Variants in PIP4K2A observed in about 807,000 individuals in gnomAD.
PIP4K2A encodes the protein phosphatidylinositol-5-phosphate 4-kinase type 2 alpha.
A neutral mutation model predicts 42.9 loss-of-function variants in PIP4K2A; 14 were observed. The ratio of observed to expected loss-of-function variants is 0.33; its 90% CI spans 0.22 to 0.51. The LOEUF is 0.51. PIP4K2A is among the 20% of genes least tolerant of loss of function. The pLI is 0.97. For synonymous variants in PIP4K2A, 192 were observed against 192.2 expected, an observed-to-expected ratio of 1.00 and a Z score of 0.01; for missense variants, 434 against 519.8, an observed-to-expected ratio of 0.83 and a Z score of 1.61.
intron 1 of PIP4K2A, among the ~76,000 whole-genome samples, chr10:22,705,722 C>G (rs139180329): frequency 3.7e-4 from 56 of 152,182 alleles, no homozygotes; most frequent in Non-Finnish European, 6.5e-4. Flanking sequence ...TAACATGTTA[C>G]TGGGTTCTGC....
intron 1 of PIP4K2A, among the ~76,000 whole-genome samples, chr10:22,664,078 T>TAC (rs1839269749): frequency 9.0e-5 from 6 of 66,360 alleles, no homozygotes; most frequent in African/African-American, 7.2e-4. Flanking sequence ...TATATATACG[T>TAC]ATATATATAT....
chr10:22,649,581 C>A (rs780021375), intron 1 of PIP4K2A, among the ~76,000 whole-genome samples: 1 of 152,206 alleles, frequency 6.6e-6, no homozygotes, highest in Non-Finnish European at 1.5e-5. Context: ...GTGGGTGACA[C>A]TGCAGACACA....
chr10:22,682,591 GAACA>G (rs1839684947), intron 1 of PIP4K2A, among the ~76,000 whole-genome samples: 1 of 152,134 alleles, frequency 6.6e-6, no homozygotes, highest in Non-Finnish European at 1.5e-5. Flanking sequence ...AGTACACAAA[GAACA>G]AACCACATGG....
At chr10:22,571,906 T>A (rs972374899) in intron 5 of PIP4K2A, among the ~76,000 whole-genome samples, 1 of 152,204 alleles carries the variant, frequency 6.6e-6, no homozygotes, top group Non-Finnish European at 1.5e-5. Flanking sequence ...TTTGCAAAAA[T>A]GTAAAACAAT....
intron 6 of PIP4K2A, among the ~76,000 whole-genome samples, chr10:22,564,573 G>A (rs1468821941): frequency 6.6e-6 from 1 of 152,130 alleles, no homozygotes; most frequent in Admixed American, 6.5e-5. Context: ...GCTTCTCATG[G>A]GCTAAAACTG....
chr10:22,698,477 T>C (rs1003779829), intron 1 of PIP4K2A, among the ~76,000 whole-genome samples: 16 of 152,176 alleles, frequency 1.1e-4, no homozygotes, highest in African/African-American at 1.9e-4. Flanking sequence ...AAGGAAATCA[T>C]CCTAAATAAG....
At chr10:22,712,397 AC>A (rs1297418133) in intron 1 of PIP4K2A, among the ~76,000 whole-genome samples, 1 of 152,044 alleles carries the variant, frequency 6.6e-6, no homozygotes, top group East Asian at 1.9e-4. Context: ...ACTAAATTAA[AC>A]CCCGAGACAG....
intron 1 of PIP4K2A, among the ~76,000 whole-genome samples, chr10:22,631,999 G>C: frequency 6.6e-6 from 1 of 151,894 alleles, no homozygotes; most frequent in Non-Finnish European, 1.5e-5. Context: ...CAACACTAAC[G>C]CTCTGGTATT....
intron 1 of PIP4K2A, among the ~76,000 whole-genome samples, chr10:22,653,487 A>G (rs11013082): frequency 0.19 from 28,264 of 152,170 alleles, 3,358 homozygotes; most frequent in Non-Finnish European, 0.27. Flanking sequence ...ACTCATCTTA[A>G]TCTTTCTCTT....
At chr10:22,587,630 G>A (rs933883503) in intron 4 of PIP4K2A, among the ~76,000 whole-genome samples, 9 of 152,102 alleles carry the variant, frequency 5.9e-5, no homozygotes, top group Non-Finnish European at 1.2e-4. Context: ...GCCTGTGTCC[G>A]GTCACACAGA....
chr10:22,579,834 A>C (rs1476778142), intron 4 of PIP4K2A, among the ~76,000 whole-genome samples: 2 of 149,318 alleles, frequency 1.3e-5, no homozygotes, highest in African/African-American at 5.2e-5. Context: ...GCCTGAACCC[A>C]GGAGGTAGAG....
chr10:22,662,667 T>C (rs1382044229), intron 1 of PIP4K2A, among the ~76,000 whole-genome samples: 1 of 152,122 alleles, frequency 6.6e-6, no homozygotes, highest in Non-Finnish European at 1.5e-5. Flanking sequence ...GCCCGATGAC[T>C]GCTTGAATGG....
chr10:22,650,249 T>C (rs1838964847), intron 1 of PIP4K2A, among the ~76,000 whole-genome samples: 1 of 152,166 alleles, frequency 6.6e-6, no homozygotes, highest in African/African-American at 2.4e-5. Flanking sequence ...TTACCGTTTT[T>C]TAGCCTCAGT....
intron 1 of PIP4K2A, among the ~76,000 whole-genome samples, chr10:22,624,144 C>T (rs1379817741): frequency 6.6e-6 from 1 of 152,150 alleles, no homozygotes; most frequent in African/African-American, 2.4e-5. Context: ...TAACATTGGG[C>T]AGTACTACAC....
rs950043787 is a variant in PIP4K2A, at chr10:22,632,811, C to T, written c.145-23094G>A. ...ACATAATATATTCTTGACTCTCTTA[C>T]ATTATCAAATTTGATGGATAATTTC... On this transcript the variant is annotated intron_variant, in intron 1 of 9. Transcript: ENST00000376573. Among the ~76,000 whole-genome samples, 5 of 152,186 alleles carry T rather than the reference C, an allele frequency of 3.3e-5. No individual in the cohort carries two copies. The East Asian group carries it at 7.7e-4, about 23-fold the overall frequency.
At chr10:22,627,679 C>T (rs1301646751) in intron 1 of PIP4K2A, among the ~76,000 whole-genome samples, 1 of 131,008 alleles carries the variant, frequency 7.6e-6, no homozygotes, top group Non-Finnish European at 1.6e-5. Flanking sequence ...TGCTGGGATA[C>T]ATGACACATT....
intron 3 of PIP4K2A, among the ~76,000 whole-genome samples, chr10:22,596,450 G>A (rs936101640): frequency 6.6e-5 from 10 of 152,310 alleles, no homozygotes; most frequent in Middle Eastern, 3.4e-3. Flanking sequence ...TCAGGACAAC[G>A]TCAGCTAGAA....
At chr10:22,586,728 A>G (rs1161544357) in intron 4 of PIP4K2A, among the ~76,000 whole-genome samples, 1 of 152,112 alleles carries the variant, frequency 6.6e-6, no homozygotes. Flanking sequence ...ATGAGGTTTC[A>G]CCATGTTGGT....
intron 1 of PIP4K2A, among the ~76,000 whole-genome samples, chr10:22,696,238 T>C (rs1382593177): frequency 6.6e-6 from 1 of 152,198 alleles, no homozygotes; most frequent in Non-Finnish European, 1.5e-5. Flanking sequence ...ACCATCAACT[T>C]GTCTACTTTC....
Sources: gnomAD v4.1 joint callset for allele counts (sites outside exome capture counted in the v4.1 genomes callset) on GRCh38, gnomAD v4.1.1 for gene constraint, MANE v1.5 for transcripts, NCBI Gene and HGNC (gene_info 2026-07-23, HGNC 2026-07-21) for gene names.